GBE1: variants seen among roughly 807,000 people sequenced by gnomAD.
The protein encoded by GBE1 is 1,4-alpha-glucan-branching enzyme.
GBE1 carries 70 observed loss-of-function variants against 88.8 expected under a neutral mutation model. That is an observed-to-expected ratio of 0.79 (90% CI 0.65 to 0.96). The LOEUF (loss-of-function observed/expected upper bound fraction) is 0.96. GBE1 is among the 40% of genes least tolerant of loss of function. The pLI, the probability that GBE1 is intolerant of heterozygous loss-of-function variation, is 0.00. For missense variants in GBE1, 872 were observed against 871.0 expected (o/e 1.00, Z -0.01); for synonymous variants, 284 against 300.1 (o/e 0.95, Z 0.56).
chr3:81,687,013 C>T (rs1705452349), intron 2 of GBE1, among the ~76,000 whole-genome samples: 1 of 152,134 alleles, frequency 6.6e-6, no homozygotes, highest in South Asian at 2.1e-4. Context: ...TCATTTATTA[C>T]AGTATTTCCC....
rs529528326 is a variant in GBE1, at chr3:81,637,260, C to T, written c.992+5521G>A. On this transcript the variant is annotated intron_variant, in intron 7 of 15. Coordinates refer to ENST00000429644, the MANE Select transcript of GBE1 (RefSeq NM_000158.4). ...CTATATGATGAAGTGAGGTGAATGA[C>T]CTCATTGTGACATAGCATTAGGCTA... 7.2e-5 allele frequency among the ~76,000 whole-genome samples: 11 copies of T among 152,186 alleles called. No homozygotes were observed. The East Asian group carries it at 1.7e-3, about 24-fold the overall frequency.
intron 1 of GBE1, among the ~76,000 whole-genome samples, chr3:81,718,199 C>T (rs937762738): frequency 6.6e-6 from 1 of 152,008 alleles, no homozygotes; most frequent in Admixed American, 6.6e-5. Context: ...AGTCTGGTCT[C>T]AAACTCCTGA....
At chr3:81,617,570 T>C (rs1165675286) in intron 7 of GBE1, among the ~76,000 whole-genome samples, 1 of 152,026 alleles carries the variant, frequency 6.6e-6, no homozygotes, top group Non-Finnish European at 1.5e-5. Context: ...GAATAAACCC[T>C]ACTTGGTTAT....
intron 14 of GBE1, among the ~76,000 whole-genome samples, chr3:81,509,137 C>G (rs1162569890): frequency 6.6e-6 from 1 of 151,832 alleles, no homozygotes; most frequent in Non-Finnish European, 1.5e-5. Flanking sequence ...CTTGACTTGG[C>G]CTCTTCTTCC....
intron 12 of GBE1, among the ~76,000 whole-genome samples, chr3:81,556,478 G>A (rs958884568): frequency 2.0e-5 from 3 of 152,064 alleles, no homozygotes; most frequent in Admixed American, 6.6e-5. Context: ...ATCATTAAAT[G>A]TGTCAGGTAT....
intron 2 of GBE1, among the ~76,000 whole-genome samples, chr3:81,697,026 AT>A (rs1705605841): frequency 1.3e-5 from 2 of 152,010 alleles, no homozygotes; most frequent in African/African-American, 4.8e-5. Flanking sequence ...TCCTGACACA[AT>A]CTACCAGGAG....
chr3:81,722,570 A>T (rs900015320), intron 1 of GBE1, among the ~76,000 whole-genome samples: 1 of 151,900 alleles, frequency 6.6e-6, no homozygotes, highest in African/African-American at 2.4e-5. Context: ...TGTTTAATCA[A>T]ATTGTCTACT....
chr3:81,661,174 A>T (rs1050257622), intron 3 of GBE1, among the ~76,000 whole-genome samples: 1 of 152,162 alleles, frequency 6.6e-6, no homozygotes, highest in Admixed American at 6.5e-5. Flanking sequence ...AATTTTCCAG[A>T]TTTTATAATC....
At position 81,695,644 on chromosome 3, in the gene GBE1, A is replaced by G. The variant is rs144100488; in HGVS notation, c.313+9800T>C. On this transcript the variant is annotated intron_variant, in intron 2 of 15. Coordinates refer to ENST00000429644, the MANE Select transcript of GBE1 (RefSeq NM_000158.4). ...ACTTTAAAGAAGTGAATGTTATGTT[A>G]TATGAATATCCCTCAACTTTTAAAA... 9.2e-5 allele frequency among the ~76,000 whole-genome samples: 14 copies of G among 152,372 alleles called. No individual in the cohort carries two copies. In the East Asian group the frequency reaches 2.7e-3, roughly 29 times the overall value.
chr3:81,524,489 T>C (rs1702917859), intron 14 of GBE1, among the ~76,000 whole-genome samples: 1 of 151,864 alleles, frequency 6.6e-6, no homozygotes, highest in Non-Finnish European at 1.5e-5. Flanking sequence ...TGCTCTCATC[T>C]CATTTGTACA....
At chr3:81,496,566 T>C (rs1383160175) in intron 15 of GBE1, among the ~76,000 whole-genome samples, 2 of 152,204 alleles carry the variant, frequency 1.3e-5, no homozygotes, top group Non-Finnish European at 2.9e-5. Context: ...ATGGGAGGTA[T>C]GAGTGATCTC....
chr3:81,715,589 A>C (rs1198480250), intron 1 of GBE1, among the ~76,000 whole-genome samples: 3 of 152,182 alleles, frequency 2.0e-5, no homozygotes, highest in African/African-American at 7.2e-5. Flanking sequence ...TCTAAGACTA[A>C]TTGGTATATA....
rs1706484472 is a variant in GBE1, at chr3:81,750,539, G to GTATATATATATGTA, written c.143+10822_143+10835dup. ...TCAAAACATTCATATATATATATAC[G>GTATATATATATGTA]TATATATATATGTATATATATATGT... On this transcript the variant is annotated intron_variant, in intron 1 of 15. Transcript: ENST00000429644. Among the ~76,000 whole-genome samples, 18 of 66,384 alleles carry GTATATATATATGTA rather than the reference G, an allele frequency of 2.7e-4. 4 individuals carry two copies. The highest frequency in any genetic ancestry group is 3.3e-4 in the Non-Finnish European group (13 of 39,998). 43.6% of individuals were successfully genotyped at this position (66,384 alleles called of 152,430 possible). A position where few individuals can be genotyped will look rare whatever the true frequency, so the allele number is the denominator to read the frequency against.
intron 1 of GBE1, among the ~76,000 whole-genome samples, chr3:81,737,385 ATATT>A (rs1386491576): frequency 3.1e-5 from 1 of 32,216 alleles, no homozygotes; most frequent in African/African-American, 1.4e-4. Context: ...ATTTTTATAT[ATATT>A]TATATAAATA....
chr3:81,503,249 G>T (rs1227105002), intron 14 of GBE1, among the ~76,000 whole-genome samples: 1 of 152,134 alleles, frequency 6.6e-6, no homozygotes, highest in Non-Finnish European at 1.5e-5. Context: ...GATTAGGCAT[G>T]CATATGAACA....
At chr3:81,729,632 A>G (rs370830396) in intron 1 of GBE1, among the ~76,000 whole-genome samples, 17 of 152,300 alleles carry the variant, frequency 1.1e-4, no homozygotes, top group African/African-American at 3.6e-4. Flanking sequence ...TCATGCCCAT[A>G]TAAATACCCA....
At chr3:81,620,198 T>C (rs952191084) in intron 7 of GBE1, among the ~76,000 whole-genome samples, 19 of 151,780 alleles carry the variant, frequency 1.3e-4, no homozygotes, top group Admixed American at 1.2e-3. Flanking sequence ...TTTTTTTTTT[T>C]TTGAGATGGA....
intron 7 of GBE1, among the ~76,000 whole-genome samples, chr3:81,594,276 AT>A (rs1228159843): frequency 1.3e-5 from 2 of 152,074 alleles, no homozygotes; most frequent in Non-Finnish European, 2.9e-5. Context: ...TAGGGAAAAC[AT>A]TTTTTAACAT....
At chr3:81,756,691 A>G (rs752895359) in intron 1 of GBE1, among the ~76,000 whole-genome samples, 15 of 152,302 alleles carry the variant, frequency 9.8e-5, no homozygotes, top group South Asian at 4.1e-4. Context: ...GAGAAGGCAT[A>G]TAATATATCT....
Sources: allele counts gnomAD v4.1 joint callset (sites outside exome capture counted in the v4.1 genomes callset), GRCh38; gene constraint gnomAD v4.1.1; transcripts MANE v1.5; gene names NCBI Gene and HGNC (gene_info 2026-07-23, HGNC 2026-07-21).